RYR2: variants seen among roughly 807,000 people sequenced by gnomAD.
RYR2 encodes the protein ryanodine receptor 2, also known as cardiac muscle ryanodine receptor-calcium release channel.
Under a neutral mutation model 601.1 loss-of-function variants are expected in RYR2, and 227 were observed. The ratio of observed to expected loss-of-function variants is 0.38; its 90% CI spans 0.34 to 0.42. RYR2 has a LOEUF of 0.42. RYR2 is among the 10% of genes least tolerant of loss of function. The pLI is 1.00. For synonymous variants in RYR2, 2,223 were observed against 2,175.1 expected, an observed-to-expected ratio of 1.02 and a Z score of -0.61; for missense variants, 4,646 against 6,156.5, an observed-to-expected ratio of 0.75 and a Z score of 8.21.
intron 10 of RYR2, among the ~76,000 whole-genome samples, chr1:237,406,439 C>G (rs1282897606): frequency 2.0e-5 from 3 of 151,262 alleles, no homozygotes; most frequent in African/African-American, 7.3e-5. Context: ...AATTATATTT[C>G]TATATACTGT....
At chr1:237,686,240 A>G (rs1400454018) in intron 62 of RYR2, among the ~76,000 whole-genome samples, 1 of 152,214 alleles carries the variant, frequency 6.6e-6, no homozygotes, top group Non-Finnish European at 1.5e-5. Flanking sequence ...TACTATACAC[A>G]TGGATCTTCA....
chr1:237,722,623 C>T (rs1197050593), intron 73 of RYR2, among the ~76,000 whole-genome samples: 2 of 151,930 alleles, frequency 1.3e-5, no homozygotes, highest in African/African-American at 2.4e-5. Flanking sequence ...TTAGTAGAAA[C>T]GGGGTTTCAC....
In RYR2 at chr1:237,616,969, C is replaced by G. The variant is rs146197433; in HGVS notation, c.5716-317C>G. ...ACGAGAACAGCATGGGGGAAGACAC[C>G]CTCATGATTCAGTTATCTCCACCCA... is the stretch of plus-strand genomic sequence containing the variant. On this transcript the variant is annotated intron_variant, in intron 37 of 104. Coordinates refer to ENST00000366574, the MANE Select transcript of RYR2 (RefSeq NM_001035.3). Among the ~76,000 whole-genome samples, 191 of 152,136 alleles carry G rather than the reference C, an allele frequency of 1.3e-3. 1 individual carries two copies. The highest frequency in any genetic ancestry group is 4.5e-3 in the African/African-American group (185 of 41,504).
intron 25 of RYR2, among the ~76,000 whole-genome samples, chr1:237,532,030 A>G (rs1419014333): frequency 2.0e-5 from 3 of 152,092 alleles, no homozygotes; most frequent in Non-Finnish European, 4.4e-5. Context: ...ACTCTATCCT[A>G]CATTATAAGT....
intron 32 of RYR2, among the ~76,000 whole-genome samples, chr1:237,593,184 T>C (rs1487891670): frequency 6.6e-6 from 1 of 152,220 alleles, no homozygotes; most frequent in Non-Finnish European, 1.5e-5. Flanking sequence ...AGCACACACA[T>C]ATATGCTGAC....
At chr1:237,773,450 C>T in intron 86 of RYR2, 70 bp from the exon 87 acceptor site, 1 of 1,137,252 alleles carries the variant, frequency 8.8e-7, no homozygotes, top group African/African-American at 1.5e-5. Context: ...GCATAAAGTC[C>T]AAGACTGGTT....
intron 27 of RYR2, among the ~76,000 whole-genome samples, chr1:237,563,317 A>G (rs1453777069): frequency 6.6e-6 from 1 of 151,188 alleles, no homozygotes; most frequent in Non-Finnish European, 1.5e-5. Context: ...AAGCCGAGGC[A>G]GGGGAATTGC....
intron 17 of RYR2, chr1:237,471,138 C>G (rs1259233465): frequency 2.6e-5 from 4 of 154,410 alleles, no homozygotes; most frequent in African/African-American, 9.6e-5. Context: ...GCCATGTTGC[C>G]TGCTCCTTAC....
chr1:237,762,882 T>C (rs2149283288), intron 84 of RYR2, among the ~76,000 whole-genome samples: 1 of 152,344 alleles, frequency 6.6e-6, no homozygotes, highest in African/African-American at 2.4e-5. Context: ...TGTACTACCC[T>C]CCCTTCCTCA....
At chr1:237,796,055 T>G (rs2149397419) in intron 96 of RYR2, among the ~76,000 whole-genome samples, 1 of 151,716 alleles carries the variant, frequency 6.6e-6, no homozygotes, top group African/African-American at 2.4e-5. Context: ...TTTACTTTGT[T>G]AGAAGCAATG....
chr1:237,682,439 T>A (rs894847964), intron 62 of RYR2, among the ~76,000 whole-genome samples: 4 of 152,212 alleles, frequency 2.6e-5, no homozygotes, highest in African/African-American at 9.7e-5. Context: ...CAATTAATTT[T>A]GGACCACATG....
chr1:237,267,271 C>T (rs976296505), intron 1 of RYR2, among the ~76,000 whole-genome samples: 11 of 152,288 alleles, frequency 7.2e-5, no homozygotes, highest in South Asian at 2.1e-4. Flanking sequence ...GTAATCCTGG[C>T]GCTTTGGGAG....
At chr1:237,270,258 A>T in intron 1 of RYR2, 2 of 636,366 alleles carry the variant, frequency 3.1e-6, no homozygotes, top group East Asian at 3.3e-5. Flanking sequence ...AAAACTACTG[A>T]TTGCCTTGAA....
chr1:237,767,843 C>T (rs1196604790), intron 84 of RYR2, among the ~76,000 whole-genome samples: 3 of 152,054 alleles, frequency 2.0e-5, no homozygotes, highest in Non-Finnish European at 2.9e-5. Context: ...CTTAAGGTCC[C>T]CTCAAGATCC....
rs574000714 is a variant in RYR2, at chr1:237,365,340, T to G, written c.309+968T>G. Reference sequence around the variant, plus strand: ...TTGAATTTTGTGGTTAAATCCATCATGTTTAATAAAACTGAACCAGGTGCA... The same window carrying G: ...TTGAATTTTGTGGTTAAATCCATCAGGTTTAATAAAACTGAACCAGGTGCA... On this transcript the variant is annotated intron_variant, in intron 5 of 104. Coordinates refer to ENST00000366574, the MANE Select transcript of RYR2 (RefSeq NM_001035.3). Among the ~76,000 whole-genome samples, 6 of 152,368 alleles carry G rather than the reference T, an allele frequency of 3.9e-5. No individual in the cohort carries two copies. The East Asian group carries it at 1.2e-3, about 29-fold the overall frequency.
chr1:237,438,104 C>G (rs1707576804), intron 12 of RYR2, among the ~76,000 whole-genome samples: 1 of 152,108 alleles, frequency 6.6e-6, no homozygotes, highest in African/African-American at 2.4e-5. Flanking sequence ...TGATGCTAAG[C>G]TGACCCAGTT....
intron 17 of RYR2, among the ~76,000 whole-genome samples, chr1:237,487,796 A>G (rs977380820): frequency 4.6e-5 from 7 of 150,600 alleles, no homozygotes; most frequent in Admixed American, 2.0e-4. Flanking sequence ...ATATGCCTGC[A>G]TATTTCAGTT....
At chr1:237,622,272 T>C (rs113174464) in intron 38 of RYR2, among the ~76,000 whole-genome samples, 1 of 152,216 alleles carries the variant, frequency 6.6e-6, no homozygotes, top group Non-Finnish European at 1.5e-5. Context: ...GAACCATTAA[T>C]GTTAGCAGCG....
intron 29 of RYR2, among the ~76,000 whole-genome samples, chr1:237,579,073 C>T (rs1477302194): frequency 1.3e-5 from 2 of 152,104 alleles, no homozygotes; most frequent in Non-Finnish European, 2.9e-5. Context: ...GCCTTTCATT[C>T]TAAGTCTCTG....
Sources: allele counts gnomAD v4.1 joint callset (sites outside exome capture counted in the v4.1 genomes callset), GRCh38; gene constraint gnomAD v4.1.1; transcripts MANE v1.5; gene names NCBI Gene and HGNC (gene_info 2026-07-23, HGNC 2026-07-21).